Variants in BBS9 observed in about 807,000 individuals in gnomAD.
BBS9 encodes the protein Bardet-Biedl syndrome 9, also known as protein PTHB1.
BBS9 carries 89 observed loss-of-function variants against 117.7 expected under a neutral mutation model. The observed-to-expected ratio is 0.76, with a 90% CI of 0.64 to 0.90. The LOEUF is 0.90. Among genes scored for constraint, BBS9 ranks in the 40% least tolerant of loss-of-function variants. The probability of loss-of-function intolerance (pLI) is 0.00; values close to 1 mark genes in which losing one functional copy is unlikely to be tolerated. For missense variants in BBS9, 982 were observed against 1,042.2 expected (o/e 0.94, Z 0.80); for synonymous variants, 379 against 370.9 (o/e 1.02, Z -0.25).
At position 33,281,406 on chromosome 7, in the gene BBS9, C is replaced by T. The variant is rs140854948; in HGVS notation, c.1016+7450C>T. 7.5e-3 allele frequency among the ~76,000 whole-genome samples: 941 copies of T among 126,074 alleles called. 17 individuals carry two copies. The highest frequency in any genetic ancestry group is 0.026 in the African/African-American group (896 of 33,916). The allele number at this position is 126,074 out of a possible 152,430, so 82.7% of individuals were successfully genotyped here. A position where few individuals can be genotyped will look rare whatever the true frequency, so the allele number is the denominator to read the frequency against. The stretch of plus-strand genomic sequence containing the variant: ...TTTTTTTTTTTGAGGCAGGGTCTCA[C>T]TCTGTTTCCCAGGCTGGAGTGCAGT... On this transcript the variant is annotated intron_variant, in intron 9 of 22. Coordinates refer to ENST00000242067, the MANE Select transcript of BBS9 (RefSeq NM_198428.3).
At chr7:33,312,102 T>A (rs1209597203) in intron 9 of BBS9, among the ~76,000 whole-genome samples, 1 of 152,224 alleles carries the variant, frequency 6.6e-6, no homozygotes, top group East Asian at 1.9e-4. Context: ...CTGCTGCTCC[T>A]CCACCAGAAA....
intron 21 of BBS9, among the ~76,000 whole-genome samples, chr7:33,585,314 G>T (rs10223962): frequency 0.071 from 10,823 of 152,128 alleles, 689 homozygotes; most frequent in African/African-American, 0.17. Context: ...AGTAGGTGTT[G>T]AGGATATGGA....
intron 5 of BBS9, among the ~76,000 whole-genome samples, chr7:33,209,305 T>C (rs965813106): frequency 2.6e-5 from 4 of 152,190 alleles, no homozygotes; most frequent in Admixed American, 6.5e-5. Flanking sequence ...TAGTATTCCA[T>C]TGTATATATG....
intron 21 of BBS9, among the ~76,000 whole-genome samples, chr7:33,545,214 C>T (rs1383406752): frequency 6.6e-6 from 1 of 152,134 alleles, no homozygotes; most frequent in African/African-American, 2.4e-5. Flanking sequence ...GACCAGGAGG[C>T]TTCTTGTCCC....
chr7:33,138,763 G>GT (rs891728224), intron 1 of BBS9, among the ~76,000 whole-genome samples: 3 of 149,786 alleles, frequency 2.0e-5, no homozygotes, highest in Admixed American at 6.7e-5. Flanking sequence ...TTTTTTTTTG[G>GT]TGGGGGGGAA....
upstream of BBS9, chr7:33,129,338 G>A: frequency 5.7e-6 from 3 of 530,288 alleles, no homozygotes. Context: ...CTTCCTTAAG[G>A]AACTGCTGCC....
chr7:33,179,571 T>A (rs1344460958), intron 5 of BBS9, among the ~76,000 whole-genome samples: 1 of 151,996 alleles, frequency 6.6e-6, no homozygotes, highest in African/African-American at 2.4e-5. Flanking sequence ...TTGCCTCCCA[T>A]CATGCCAAGA....
At chr7:33,528,146 G>T (rs542028120) in intron 20 of BBS9, among the ~76,000 whole-genome samples, 6 of 152,064 alleles carry the variant, frequency 3.9e-5, no homozygotes, top group African/African-American at 1.4e-4. Flanking sequence ...TACATCTATT[G>T]AAGAGGAAAT....
intron 21 of BBS9, among the ~76,000 whole-genome samples, chr7:33,536,460 T>C (rs1851385690): frequency 1.3e-5 from 2 of 152,164 alleles, no homozygotes; most frequent in African/African-American, 2.4e-5. Context: ...ACTTTTGAGG[T>C]AGAAGAGACA....
chr7:33,238,267 A>G (rs1388163672), intron 5 of BBS9, among the ~76,000 whole-genome samples: 1 of 152,038 alleles, frequency 6.6e-6, no homozygotes, highest in African/African-American at 2.4e-5. Flanking sequence ...GAACTTCAGG[A>G]ATAGTGGGGA....
rs374598694 is a variant in BBS9 at position 33,403,765 on chromosome 7, G to A, written c.2115+15621G>A. On this transcript the variant is annotated intron_variant, in intron 19 of 22. Transcript: ENST00000242067. ...AGTCTTTGCTATTGTGACTAGTGCC[G>A]CAATAGACATACGTGTGCATGTGTC... 5.9e-5 allele frequency among the ~76,000 whole-genome samples: 9 copies of A among 152,044 alleles called. 1 individual carries two copies. The highest frequency in any genetic ancestry group is 6.8e-3 in the Middle Eastern group (2 of 294).
chr7:33,455,468 A>G (rs955726745), intron 19 of BBS9, among the ~76,000 whole-genome samples: 1 of 152,236 alleles, frequency 6.6e-6, no homozygotes, highest in Non-Finnish European at 1.5e-5. Context: ...TAACCCAGAA[A>G]GAAATTCTTG....
chr7:33,289,001 C>T (rs1052263760), intron 9 of BBS9, among the ~76,000 whole-genome samples: 5 of 152,122 alleles, frequency 3.3e-5, no homozygotes, highest in Non-Finnish European at 5.9e-5. Context: ...AAGCAGAATA[C>T]GGTAGGTCCA....
At position 33,274,080 on chromosome 7, in the gene BBS9, T is replaced by A; in HGVS notation, c.1016+124T>A. On this transcript the variant is annotated intron_variant, in intron 9 of 22. Coordinates refer to ENST00000242067, the MANE Select transcript of BBS9 (RefSeq NM_198428.3). ...TACAGGTGACATTGTAGTATGAATG[T>A]CAATAATAAAAGTAATTTAAAATAT... 4 of 1,002,416 alleles carry A rather than the reference T, an allele frequency of 4.0e-6. No individual in the cohort carries two copies. The South Asian group carries it at 5.9e-5, about 15-fold the overall frequency. 62.1% of individuals were successfully genotyped at this position (1,002,416 alleles called of 1,614,324 possible).
intron 5 of BBS9, among the ~76,000 whole-genome samples, chr7:33,201,315 C>G (rs1298810838): frequency 6.6e-6 from 1 of 152,078 alleles, no homozygotes; most frequent in Non-Finnish European, 1.5e-5. Context: ...CTTTCTGTTT[C>G]CTATGGAGGA....
At chr7:33,595,112 G>A (rs1052589021) in intron 21 of BBS9, among the ~76,000 whole-genome samples, 2 of 152,062 alleles carry the variant, frequency 1.3e-5, no homozygotes, top group African/African-American at 2.4e-5. Context: ...CTAGGCAATA[G>A]CATTCAAGAC....
At chr7:33,454,441 A>G (rs975584724) in intron 19 of BBS9, among the ~76,000 whole-genome samples, 4 of 152,228 alleles carry the variant, frequency 2.6e-5, no homozygotes, top group African/African-American at 9.6e-5. Flanking sequence ...GCTTACTCTT[A>G]GAGGAAATAA....
chr7:33,346,292 C>T (rs1278874204), intron 12 of BBS9: 3 of 469,732 alleles, frequency 6.4e-6, no homozygotes, highest in East Asian at 1.4e-4. Context: ...AAAATTTTTC[C>T]ATCCGTTCCA....
chr7:33,552,359 T>C (rs111764122), intron 21 of BBS9, among the ~76,000 whole-genome samples: 1 of 152,284 alleles, frequency 6.6e-6, no homozygotes, highest in African/African-American at 2.4e-5. Context: ...CTTTCTCAGT[T>C]TCTTATCAGT....
Sources: gnomAD v4.1 joint callset for allele counts (sites outside exome capture counted in the v4.1 genomes callset) on GRCh38, gnomAD v4.1.1 for gene constraint, MANE v1.5 for transcripts, NCBI Gene and HGNC (gene_info 2026-07-23, HGNC 2026-07-21) for gene names.